CLIP2: variants seen among roughly 807,000 people sequenced by gnomAD.
The protein encoded by CLIP2 is CAP-Gly domain-containing linker protein 2.
CLIP2 carries 41 observed loss-of-function variants against 111.7 expected under a neutral mutation model. That is an observed-to-expected ratio of 0.37 (90% CI 0.29 to 0.48). CLIP2 has a LOEUF of 0.48. Among genes scored for constraint, CLIP2 ranks in the 20% least tolerant of loss-of-function variants. CLIP2 has a pLI of 0.99. For missense variants in CLIP2, 1,160 were observed against 1,422.1 expected (o/e 0.82, Z 2.96); for synonymous variants, 660 against 644.2 (o/e 1.02, Z -0.37).
chr7:74,289,431 G>GCTGCTGGCT lies in CLIP2; in HGVS notation c.-370_-369insTGCTGGCTC, dbSNP rs1325891485. 1.3e-5 allele frequency: 2 copies of GCTGCTGGCT among 150,824 alleles called. No individual in the cohort carries two copies. The highest frequency in any genetic ancestry group is 3.0e-5 in the Non-Finnish European group (2 of 67,494). The allele number at this position is 150,824 out of a possible 1,614,324, so 9.3% of individuals were successfully genotyped here. On this transcript the variant is annotated 5_prime_UTR_variant, in exon 1 of 17. Coordinates refer to ENST00000223398, the MANE Select transcript of CLIP2 (RefSeq NM_003388.5). Reference sequence around the variant, plus strand: ...CCCTTTTGTTCCCTCCCGGAGCCGGGCCGCTGGCTCCGCTGGCTCCGCTGG... The same window carrying GCTGCTGGCT: ...CCCTTTTGTTCCCTCCCGGAGCCGGGCTGCTGGCTCCGCTGGCTCCGCTGGCTCCGCTGG...
chr7:74,360,081 G>A (rs1417369599), intron 6 of CLIP2, 94 bp from the exon 7 acceptor site: 15 of 1,015,962 alleles, frequency 1.5e-5, no homozygotes, highest in Non-Finnish European at 2.0e-5. Context: ...GGGGTTCCAG[G>A]CCCTGCTCCT....
chr7:74,391,915 G>A (rs1189598835), intron 13 of CLIP2, among the ~76,000 whole-genome samples: 1 of 151,800 alleles, frequency 6.6e-6, no homozygotes, highest in African/African-American at 2.4e-5. Context: ...CTTAAAAAAT[G>A]GGAAGATCTG....
Position 74,372,920 on chromosome 7 carries a change from T to C in CLIP2, c.1381-12T>C, listed in dbSNP as rs1584371399. On this transcript the variant is annotated splice_polypyrimidine_tract_variant and intron_variant, in intron 8 of 16. Coordinates refer to ENST00000223398, the MANE Select transcript of CLIP2 (RefSeq NM_003388.5). ...CCCCACCCCCCCACCGTGTCCACCCTGGGTGGACCAGACCCAGACGCAGCT... is the reference window on the plus strand; with the variant it reads ...CCCCACCCCCCCACCGTGTCCACCCCGGGTGGACCAGACCCAGACGCAGCT... The C allele has an allele frequency of 2.5e-5, 15 of 596,274 alleles. No homozygotes were observed. The highest frequency in any genetic ancestry group is 3.4e-5 in the Non-Finnish European group (15 of 441,670). 36.9% of individuals were successfully genotyped at this position (596,274 alleles called of 1,614,324 possible). A position where few individuals can be genotyped will look rare whatever the true frequency, so the allele number is the denominator to read the frequency against.
At chr7:74,372,791 T>A in intron 8 of CLIP2, 141 bp from the exon 9 acceptor site, 1 of 625,936 alleles carries the variant, frequency 1.6e-6, no homozygotes, top group South Asian at 1.9e-5. Context: ...ATGAATCTAC[T>A]CTCCTCGCCT....
chr7:74,323,086 TTTA>T (rs1789007439), intron 2 of CLIP2, among the ~76,000 whole-genome samples: 1 of 6,604 alleles, frequency 1.5e-4, no homozygotes, highest in African/African-American at 4.6e-4. Context: ...CTATGTTTTA[TTTA>T]TTTATTTATT....
At chr7:74,369,726 G>A (rs557627573) in intron 8 of CLIP2, among the ~76,000 whole-genome samples, 3 of 138,456 alleles carry the variant, frequency 2.2e-5, no homozygotes, top group Admixed American at 1.5e-4. Context: ...GCATAGTGGT[G>A]CTTGCCTGTA....
chr7:74,303,861 G>A (rs1351952985), intron 1 of CLIP2, among the ~76,000 whole-genome samples: 3 of 149,602 alleles, frequency 2.0e-5, no homozygotes, highest in Non-Finnish European at 3.0e-5. Flanking sequence ...GCAGTGAGCT[G>A]AGATCGTGCC....
At chr7:74,347,361 C>T (rs1584347269) in intron 3 of CLIP2, among the ~76,000 whole-genome samples, 1 of 152,174 alleles carries the variant, frequency 6.6e-6, no homozygotes, top group South Asian at 2.1e-4. Context: ...CTCCGCCTCC[C>T]GGGTTCACGC....
chr7:74,351,092 GGAAGGGAAGGGAA>G (rs1554307441), intron 3 of CLIP2, among the ~76,000 whole-genome samples: 5 of 25,578 alleles, frequency 2.0e-4, no homozygotes, highest in Non-Finnish European at 7.8e-4. Flanking sequence ...AGAAAAAGAA[GGAAGGGAAGGGAA>G]GGAAGGGAAG....
chr7:74,317,368 G>A (rs1788810621), intron 1 of CLIP2, 112 bp from the exon 2 acceptor site: 1 of 632,240 alleles, frequency 1.6e-6, no homozygotes, highest in Admixed American at 4.4e-5. Flanking sequence ...GGTTAAATCG[G>A]GTGTTGCCTC....
chr7:74,346,093 C>T (rs1051314495), intron 3 of CLIP2, among the ~76,000 whole-genome samples: 2 of 152,064 alleles, frequency 1.3e-5, no homozygotes, highest in African/African-American at 2.4e-5. Context: ...ATCCTCCCAA[C>T]TCATCCTCCT....
At chr7:74,350,452 C>T (rs28858376) in intron 3 of CLIP2, among the ~76,000 whole-genome samples, 9,221 of 152,164 alleles carry the variant, frequency 0.061, 653 homozygotes, top group East Asian at 0.37. Flanking sequence ...AAGTGATCCT[C>T]CTGCCTCAGC....
chr7:74,392,366 A>G (rs1256640590), intron 13 of CLIP2, among the ~76,000 whole-genome samples: 4 of 149,062 alleles, frequency 2.7e-5, no homozygotes, highest in African/African-American at 4.9e-5. Flanking sequence ...AAAAAAAAAG[A>G]AAAGGAAAGA....
At chr7:74,297,587 C>G (rs544857526) in intron 1 of CLIP2, among the ~76,000 whole-genome samples, 91 of 152,224 alleles carry the variant, frequency 6.0e-4, no homozygotes, top group Non-Finnish European at 1.1e-3. Context: ...GGCTCACTGC[C>G]TGTTCCTTTG....
At chr7:74,370,568 G>A (rs1790588723) in intron 8 of CLIP2, among the ~76,000 whole-genome samples, 2 of 151,456 alleles carry the variant, frequency 1.3e-5, no homozygotes, top group Non-Finnish European at 2.9e-5. Flanking sequence ...CTGTAGAGTG[G>A]GCCAGAGAAG....
At chr7:74,292,162 T>G (rs1788042142) in intron 1 of CLIP2, among the ~76,000 whole-genome samples, 3 of 151,958 alleles carry the variant, frequency 2.0e-5, no homozygotes, top group African/African-American at 7.3e-5. Flanking sequence ...CCTCAGGTGA[T>G]CCACCTGCCT....
intron 2 of CLIP2, among the ~76,000 whole-genome samples, chr7:74,327,042 T>C (rs1176013635): frequency 6.6e-6 from 1 of 152,160 alleles, no homozygotes; most frequent in Admixed American, 6.6e-5. Context: ...GAAACTCTCA[T>C]ATATTGCTGG....
chr7:74,384,241 T>C (rs1028407729), intron 11 of CLIP2, among the ~76,000 whole-genome samples: 2 of 152,018 alleles, frequency 1.3e-5, no homozygotes, highest in African/African-American at 2.4e-5. Flanking sequence ...CATTCTTTTT[T>C]GTGGCCAAAT....
rs536524920 is a variant in CLIP2 at position 74,379,446 on chromosome 7, G to T, written c.2422-1360G>T. Among the ~76,000 whole-genome samples the T allele has an allele frequency of 2.6e-5, 4 of 152,196 alleles. No homozygotes were observed. In the East Asian group the frequency reaches 7.7e-4, roughly 29 times the overall value. ...AGCACAACTGGACTTTTGGTCTCAG[G>T]TAGTAAATATGGGAATTTTAAAAAT... is the stretch of plus-strand genomic sequence containing the variant. On this transcript the variant is annotated intron_variant, in intron 10 of 16. Transcript: ENST00000223398.
Sources: gnomAD v4.1 joint callset for allele counts (sites outside exome capture counted in the v4.1 genomes callset) on GRCh38, gnomAD v4.1.1 for gene constraint, MANE v1.5 for transcripts, NCBI Gene and HGNC (gene_info 2026-07-23, HGNC 2026-07-21) for gene names.